Variants in AFAP1 observed in about 807,000 individuals in gnomAD.
The protein encoded by AFAP1 is actin filament-associated protein 1.
AFAP1 carries 75 observed loss-of-function variants against 93.9 expected under a neutral mutation model. The ratio of observed to expected loss-of-function variants is 0.80; its 90% confidence interval spans 0.66 to 0.97. AFAP1 has a LOEUF of 0.97. Among genes scored for constraint, AFAP1 ranks in the 50% least tolerant of loss-of-function variants. The probability of loss-of-function intolerance (pLI) is 0.00; values close to 1 mark genes in which losing one functional copy is unlikely to be tolerated. For synonymous variants in AFAP1, 517 were observed against 430.7 expected (o/e 1.20, Z -2.48); for missense variants, 1,201 against 1,050.8 (o/e 1.14, Z -1.98).
chr4:7,923,713 T>C (rs1300428464), intron 1 of AFAP1, among the ~76,000 whole-genome samples: 3 of 152,138 alleles, frequency 2.0e-5, no homozygotes, highest in Non-Finnish European at 4.4e-5. Flanking sequence ...GATCTGCCCA[T>C]CTCGGCCTCC....
intron 11 of AFAP1, among the ~76,000 whole-genome samples, chr4:7,787,976 G>A (rs761468375): frequency 2.9e-4 from 44 of 152,026 alleles, no homozygotes; most frequent in Non-Finnish European, 5.9e-4. Context: ...GAGGCGGCCC[G>A]TCCCGCAGCC....
Position 7,828,996 on chromosome 4 carries a change from C to T in AFAP1, c.726+9528G>A, listed in dbSNP as rs180724490. ...GGGGCGGTTACCTTCATGCTGTTCT[C>T]GTGATAGTTACTGAGCTCTCAGGAG... On this transcript the variant is annotated intron_variant, in intron 6 of 17. Coordinates refer to ENST00000420658, the MANE Select transcript of AFAP1 (RefSeq NM_001134647.2). Among the ~76,000 whole-genome samples, 36 of 152,290 alleles carry T rather than the reference C, an allele frequency of 2.4e-4. No individual in the cohort carries two copies. In the East Asian group the frequency reaches 4.1e-3, roughly 17 times the overall value.
In AFAP1 at chr4:7,793,830, T is replaced by G; in HGVS notation, c.1267-4A>C. On this transcript the variant is annotated splice_polypyrimidine_tract_variant and splice_region_variant and intron_variant, in intron 10 of 17. Transcript: ENST00000420658. ...CCATGTCTTCAGAAGAAGATGCCTG[T>G]TGAAGTGGGAAAAAAGGTAGGCTGT... 2 of 1,521,194 alleles carry G rather than the reference T, an allele frequency of 1.3e-6. No homozygotes were observed. The highest frequency in any genetic ancestry group is 1.3e-5 in the South Asian group (1 of 78,128). 94.2% of individuals were successfully genotyped at this position (1,521,194 alleles called of 1,614,324 possible). A position where few individuals can be genotyped will look rare whatever the true frequency, so the allele number is the denominator to read the frequency against.
intron 16 of AFAP1, among the ~76,000 whole-genome samples, chr4:7,769,314 C>T (rs969292442): frequency 2.0e-5 from 3 of 152,172 alleles, no homozygotes; most frequent in African/African-American, 4.8e-5. Flanking sequence ...AAGCTGGGCT[C>T]TTGCATGCAG....
chr4:7,775,561 C>CA (rs1187379549), intron 14 of AFAP1: 1 of 152,242 alleles, frequency 6.6e-6, no homozygotes, highest in Non-Finnish European at 1.5e-5. Flanking sequence ...ATTGCTGCTA[C>CA]ACCCCCAGCA....
At chr4:7,765,221 G>A (rs1397489353) in intron 17 of AFAP1, among the ~76,000 whole-genome samples, 1 of 152,100 alleles carries the variant, frequency 6.6e-6, no homozygotes, top group Non-Finnish European at 1.5e-5. Context: ...TCTCCACTCT[G>A]CCCTGCTGCC....
intron 16 of AFAP1, among the ~76,000 whole-genome samples, chr4:7,769,541 A>G (rs1313338000): frequency 6.6e-6 from 1 of 152,126 alleles, no homozygotes; most frequent in East Asian, 1.9e-4. Context: ...TCCATATGCC[A>G]AAGGAGGAGG....
rs569587151 is a variant in AFAP1, at chr4:7,817,132, A to G, written c.823-1033T>C. On this transcript the variant is annotated intron_variant, in intron 7 of 17. Coordinates refer to ENST00000420658, the MANE Select transcript of AFAP1 (RefSeq NM_001134647.2). ...TATGGTGGGAAATAAAATTGCATCA[A>G]CCTTTTGGGAAAGCAATTTGATTTT... Among the ~76,000 whole-genome samples the G allele has an allele frequency of 2.5e-3, 379 of 152,322 alleles. 2 individuals carry two copies. Among genetic ancestry groups the G allele is most frequent in the African/African-American group, 8.7e-3 (360 of 41,582 alleles).
intron 1 of AFAP1, among the ~76,000 whole-genome samples, chr4:7,925,552 A>G (rs1720679374): frequency 6.6e-6 from 1 of 151,956 alleles, no homozygotes; most frequent in South Asian, 2.1e-4. Flanking sequence ...ATTCTTACTA[A>G]AAATACAAAA....
At chr4:7,874,708 A>G (rs1458894719) in intron 1 of AFAP1, among the ~76,000 whole-genome samples, 1 of 151,570 alleles carries the variant, frequency 6.6e-6, no homozygotes, top group Non-Finnish European at 1.5e-5. Flanking sequence ...TACTTCCACC[A>G]TAATATCTCA....
At chr4:7,849,000 C>T (rs1445659047) in intron 4 of AFAP1, among the ~76,000 whole-genome samples, 2 of 152,312 alleles carry the variant, frequency 1.3e-5, no homozygotes, top group Non-Finnish European at 2.9e-5. Context: ...GCGGTTAGGG[C>T]GTCACGACTT....
At chr4:7,862,814 C>G (rs1281498725) in intron 3 of AFAP1, among the ~76,000 whole-genome samples, 1 of 152,160 alleles carries the variant, frequency 6.6e-6, no homozygotes, top group Admixed American at 6.5e-5. Context: ...ATGACAGCCC[C>G]AAAAGGAGTC....
chr4:7,816,251 G>C lies in AFAP1; in HGVS notation c.823-152C>G, dbSNP rs913778500. On this transcript the variant is annotated intron_variant, in intron 7 of 17. Transcript: ENST00000420658. ...GTGGTTAGAGCTTAACTATAACAAA[G>C]ACTGGCTGGTTAGGTGGCCACAACC... 5 of 618,078 alleles carry C rather than the reference G, an allele frequency of 8.1e-6. 1 individual carries two copies. The highest frequency in any genetic ancestry group is 4.2e-5 in the South Asian group (2 of 47,184). 38.3% of individuals were successfully genotyped at this position (618,078 alleles called of 1,614,324 possible).
chr4:7,763,507 C>T lies in AFAP1; in HGVS notation c.*258G>A. 1 of 531,734 alleles carries T rather than the reference C, an allele frequency of 1.9e-6. No individual in the cohort carries two copies. Among genetic ancestry groups the T allele is most frequent in the Non-Finnish European group, 3.3e-6 (1 of 301,012 alleles). The allele number at this position is 531,734 out of a possible 1,614,324, so 32.9% of individuals were successfully genotyped here. On this transcript the variant is annotated 3_prime_UTR_variant, in exon 18 of 18. Coordinates refer to ENST00000420658, the MANE Select transcript of AFAP1 (RefSeq NM_001134647.2). ...GTCACTTCGCCTGATAGCATCCTTT[C>T]AAACACCTTTCCATCACTTTTTTTG...
chr4:7,876,521 C>T (rs528955036), intron 1 of AFAP1, among the ~76,000 whole-genome samples: 149 of 152,248 alleles, frequency 9.8e-4, no homozygotes, highest in African/African-American at 3.3e-3. Context: ...TGCAAGTACA[C>T]GGGTGCAAAG....
intron 1 of AFAP1, among the ~76,000 whole-genome samples, chr4:7,927,033 C>A (rs1720806584): frequency 6.6e-6 from 1 of 152,206 alleles, no homozygotes; most frequent in Non-Finnish European, 1.5e-5. Flanking sequence ...GACCTTTTGT[C>A]CTGGCAAAAT....
At chr4:7,862,514 T>C (rs1169354138) in intron 3 of AFAP1, among the ~76,000 whole-genome samples, 2 of 151,904 alleles carry the variant, frequency 1.3e-5, no homozygotes, top group African/African-American at 2.4e-5. Flanking sequence ...TCCACAATAC[T>C]ACGAATGTAC....
chr4:7,904,363 TCA>T (rs1362886139), intron 1 of AFAP1, among the ~76,000 whole-genome samples: 2 of 152,160 alleles, frequency 1.3e-5, no homozygotes, highest in Non-Finnish European at 2.9e-5. Context: ...ACTTTCTCCA[TCA>T]CACTATCTAT....
At chr4:7,842,760 C>T (rs184746362) in intron 5 of AFAP1, 66 of 167,912 alleles carry the variant, frequency 3.9e-4, no homozygotes, top group Non-Finnish European at 1.0e-4. Flanking sequence ...CTCCCCGTCC[C>T]ACTTCTATGA....
Sources: allele counts gnomAD v4.1 joint callset (sites outside exome capture counted in the v4.1 genomes callset), GRCh38; gene constraint gnomAD v4.1.1; transcripts MANE v1.5; gene names NCBI Gene and HGNC (gene_info 2026-07-23, HGNC 2026-07-21).